SLC9A8: variants seen among roughly 807,000 people sequenced by gnomAD.
SLC9A8 encodes sodium/hydrogen exchanger 8.
A neutral mutation model predicts 66.6 loss-of-function variants in SLC9A8; 48 were observed. The ratio of observed to expected loss-of-function variants is 0.72; its 90% CI spans 0.57 to 0.92. The LOEUF (loss-of-function observed/expected upper bound fraction) is 0.92, where lower values mean the gene tolerates loss of function less well. Ranked by LOEUF, SLC9A8 falls within the 40% of genes least tolerant of loss-of-function variation. The probability of loss-of-function intolerance (pLI) is 0.00; values close to 1 mark genes in which losing one functional copy is unlikely to be tolerated. For synonymous variants in SLC9A8, 274 were observed against 282.6 expected, an observed-to-expected ratio of 0.97 and a Z score of 0.31; for missense variants, 599 against 747.3, an observed-to-expected ratio of 0.80 and a Z score of 2.31.
At chr20:49,852,997 G>C (rs1224893541) in intron 7 of SLC9A8, among the ~76,000 whole-genome samples, 1 of 152,154 alleles carries the variant, frequency 6.6e-6, no homozygotes, top group Non-Finnish European at 1.5e-5. Context: ...TGAGACATCA[G>C]TCAACTTATG....
intron 3 of SLC9A8, 132 bp downstream of exon 3, chr20:49,823,273 C>T (rs2086806766): frequency 1.3e-6 from 1 of 748,312 alleles, no homozygotes; most frequent in Non-Finnish European, 2.4e-6. Context: ...CTGCAACCTG[C>T]CCTAAGGGTG....
chr20:49,819,334 T>A (rs931982995), intron 2 of SLC9A8, among the ~76,000 whole-genome samples: 1 of 152,228 alleles, frequency 6.6e-6, no homozygotes. Context: ...TTGCTCGGTT[T>A]TTTTCCAAGT....
At chr20:49,846,059 G>A (rs189977393) in intron 5 of SLC9A8, among the ~76,000 whole-genome samples, 1 of 151,986 alleles carries the variant, frequency 6.6e-6, no homozygotes, top group Non-Finnish European at 1.5e-5. Flanking sequence ...GGCTGGTCTC[G>A]AACTCCTGAC....
chr20:49,843,499 A>G (rs2087852247), intron 4 of SLC9A8, among the ~76,000 whole-genome samples: 1 of 152,182 alleles, frequency 6.6e-6, no homozygotes, highest in Admixed American at 6.5e-5. Context: ...TTTTGACAAA[A>G]AATCAGACTG....
chr20:49,822,921 A>G (rs2086792260), intron 2 of SLC9A8, 140 bp from the exon 3 acceptor site: 2 of 665,256 alleles, frequency 3.0e-6, no homozygotes, highest in East Asian at 5.5e-5. Context: ...CACGAAAAAC[A>G]CCGCTGAAGT....
chr20:49,844,561 A>T (rs1237249438), intron 4 of SLC9A8, among the ~76,000 whole-genome samples: 1 of 142,058 alleles, frequency 7.0e-6, no homozygotes, highest in Non-Finnish European at 1.5e-5. Context: ...AGGTGGGAGG[A>T]TTGCTTGAGG....
chr20:49,822,215 T>G (rs2086765201), intron 2 of SLC9A8, among the ~76,000 whole-genome samples: 1 of 152,222 alleles, frequency 6.6e-6, no homozygotes, highest in Non-Finnish European at 1.5e-5. Context: ...TTCAGATCTC[T>G]GATGTTCTTG....
At chr20:49,847,668 C>T (rs910305968) in intron 5 of SLC9A8, among the ~76,000 whole-genome samples, 1 of 152,044 alleles carries the variant, frequency 6.6e-6, no homozygotes, top group Non-Finnish European at 1.5e-5. Flanking sequence ...AGATTATCAT[C>T]AGTTGATATG....
rs77684695 is a variant in SLC9A8, at chr20:49,853,750, C to A, written c.570-1688C>A. ...ATGACGAAAATTCAGCATCCACTCCCTTGGAGCTCACAGGCCTGTGATGAC... is the reference window on the plus strand; with the variant it reads ...ATGACGAAAATTCAGCATCCACTCCATTGGAGCTCACAGGCCTGTGATGAC... On this transcript the variant is annotated intron_variant, in intron 7 of 15. Transcript: ENST00000361573. Among the ~76,000 whole-genome samples the A allele has an allele frequency of 1.4e-4, 22 of 152,328 alleles. 1 individual carries two copies. The highest frequency in any genetic ancestry group is 9.2e-4 in the Admixed American group (14 of 15,300).
intron 2 of SLC9A8, among the ~76,000 whole-genome samples, chr20:49,819,011 C>T (rs144003567): frequency 3.3e-5 from 5 of 152,256 alleles, no homozygotes; most frequent in South Asian, 2.1e-4. Flanking sequence ...GACAGGATTA[C>T]AGTGTGTTCC....
chr20:49,879,776 G>A (rs1324473129), intron 12 of SLC9A8, among the ~76,000 whole-genome samples: 2 of 146,936 alleles, frequency 1.4e-5, no homozygotes, highest in Admixed American at 6.9e-5. Context: ...AGTGAGCCAA[G>A]ATCACGCCAC....
intron 13 of SLC9A8, 138 bp from the exon 14 acceptor site, chr20:49,883,708 G>C: frequency 1.5e-6 from 1 of 665,716 alleles, no homozygotes; most frequent in Non-Finnish European, 2.5e-6. Flanking sequence ...GCCTCACAGG[G>C]TGAGCACACA....
intron 1 of SLC9A8, among the ~76,000 whole-genome samples, chr20:49,814,148 C>T (rs1028014311): frequency 6.6e-6 from 1 of 152,140 alleles, no homozygotes; most frequent in Non-Finnish European, 1.5e-5. Flanking sequence ...TAAACAGCCT[C>T]AGCAGCACAA....
At chr20:49,860,666 A>T (rs1023372623) in intron 8 of SLC9A8, among the ~76,000 whole-genome samples, 4 of 152,212 alleles carry the variant, frequency 2.6e-5, no homozygotes, top group African/African-American at 9.6e-5. Context: ...GGTTGCAGTG[A>T]GCTGAGATCG....
chr20:49,884,291 C>CACACACG lies in SLC9A8; in HGVS notation c.1491+231_1491+232insGACACAC, dbSNP rs1568884279. 121 of 252,502 alleles carry CACACACG rather than the reference C, an allele frequency of 4.8e-4. 5 individuals are homozygous for CACACACG. The East Asian group carries it at 0.01, about 21-fold the overall frequency. The allele number at this position is 252,502 out of a possible 1,614,324, so 15.6% of individuals were successfully genotyped here. A position where few individuals can be genotyped will look rare whatever the true frequency, so the allele number is the denominator to read the frequency against. On this transcript the variant is annotated intron_variant, in intron 14 of 15. Coordinates refer to ENST00000361573, the MANE Select transcript of SLC9A8 (RefSeq NM_015266.3). ...ACACACACGACACACACACACACGA[C>CACACACG]ACACACACACACACACACACACACA... is the stretch of plus-strand genomic sequence containing the variant.
chr20:49,832,218 C>A (rs1313380268), intron 3 of SLC9A8, among the ~76,000 whole-genome samples: 1 of 152,064 alleles, frequency 6.6e-6, no homozygotes, highest in Non-Finnish European at 1.5e-5. Context: ...TGGCCCAGAC[C>A]CAGCCTGACC....
chr20:49,842,234 T>G (rs1400840761), intron 4 of SLC9A8, among the ~76,000 whole-genome samples: 1 of 151,186 alleles, frequency 6.6e-6, no homozygotes, highest in Non-Finnish European at 1.5e-5. Context: ...CACGCCCGGC[T>G]AATTTTTGTA....
chr20:49,845,236 TC>T, intron 5 of SLC9A8, 117 bp downstream of exon 5: 1 of 738,572 alleles, frequency 1.4e-6, no homozygotes, highest in African/African-American at 1.7e-5. Context: ...CTCTGCTCCT[TC>T]CTGGTTGTGC....
rs1006648216 is a variant in SLC9A8, at chr20:49,812,958, C to A, written c.26+10C>A. ...AGATGGCGGAAGAGGAGTGAGTGGG[C>A]TTTTTCCCGGGCGGCGGAGGCGGCG... On this transcript the variant is annotated intron_variant, in intron 1 of 15. Transcript: ENST00000361573. 17 of 1,418,322 alleles carry A rather than the reference C, an allele frequency of 1.2e-5. No individual in the cohort carries two copies. The highest frequency in any genetic ancestry group is 6.4e-5 in the Admixed American group (2 of 31,064). The allele number at this position is 1,418,322 out of a possible 1,614,324, so 87.9% of individuals were successfully genotyped here.
Sources: gnomAD v4.1 joint callset for allele counts (sites outside exome capture counted in the v4.1 genomes callset) on GRCh38, gnomAD v4.1.1 for gene constraint, MANE v1.5 for transcripts, NCBI Gene and HGNC (gene_info 2026-07-23, HGNC 2026-07-21) for gene names.